Variants in SDK1 observed in about 807,000 individuals in gnomAD.
SDK1 encodes protein sidekick-1.
A neutral mutation model predicts 245.5 loss-of-function variants in SDK1; 157 were observed. That is an observed-to-expected ratio of 0.64 (90% confidence interval 0.56 to 0.73). The LOEUF (loss-of-function observed/expected upper bound fraction) is 0.73, where lower values mean the gene tolerates loss of function less well. SDK1 is among the 30% of genes least tolerant of loss of function. SDK1 has a pLI of 0.00. For synonymous variants in SDK1, 1,647 were observed against 1,278.5 expected (o/e 1.29, Z -6.15); for missense variants, 3,583 against 3,002.3 (o/e 1.19, Z -4.52).
intron 5 of SDK1, among the ~76,000 whole-genome samples, chr7:3,946,445 G>C (rs931625714): frequency 2.6e-5 from 4 of 152,040 alleles, no homozygotes; most frequent in African/African-American, 9.7e-5. Flanking sequence ...GTCCTGAGTA[G>C]CTGGGACTAC....
intron 1 of SDK1, among the ~76,000 whole-genome samples, chr7:3,530,928 T>G (rs1169698487): frequency 2.0e-5 from 3 of 152,220 alleles, no homozygotes; most frequent in Non-Finnish European, 4.4e-5. Flanking sequence ...AAATTTGATT[T>G]GCAGTGAGAA....
At chr7:4,018,850 A>T (rs1184600250) in intron 17 of SDK1, among the ~76,000 whole-genome samples, 1 of 152,102 alleles carries the variant, frequency 6.6e-6, no homozygotes, top group Non-Finnish European at 1.5e-5. Flanking sequence ...TGTGCAGGGA[A>T]TGTAGGAGGC....
At chr7:4,217,829 A>T (rs1784920378) in intron 38 of SDK1, among the ~76,000 whole-genome samples, 1 of 152,198 alleles carries the variant, frequency 6.6e-6, no homozygotes, top group Admixed American at 6.5e-5. Context: ...TGAAATGGGG[A>T]GAAGGCCAGG....
chr7:3,322,914 G>C (rs1437713185), intron 1 of SDK1, among the ~76,000 whole-genome samples: 1 of 151,990 alleles, frequency 6.6e-6, no homozygotes, highest in African/African-American at 2.4e-5. Context: ...GGTTCAAACA[G>C]TCCTCCCACC....
chr7:3,467,641 T>C (rs1188612238), intron 1 of SDK1, among the ~76,000 whole-genome samples: 1 of 152,118 alleles, frequency 6.6e-6, no homozygotes, highest in Non-Finnish European at 1.5e-5. Flanking sequence ...CTATTAAATT[T>C]TCTTAAGAAC....
intron 19 of SDK1, among the ~76,000 whole-genome samples, chr7:4,052,744 A>G (rs1210118683): frequency 6.6e-6 from 1 of 152,080 alleles, no homozygotes; most frequent in Admixed American, 6.5e-5. Flanking sequence ...ATTTTTTTGC[A>G]TTTTCTAGTT....
At chr7:3,728,365 G>T (rs1049611294) in intron 4 of SDK1, among the ~76,000 whole-genome samples, 6 of 152,220 alleles carry the variant, frequency 3.9e-5, no homozygotes, top group African/African-American at 1.4e-4. Context: ...TTTCACCACA[G>T]ACATAATTTC....
At chr7:3,515,913 C>T (rs1240362037) in intron 1 of SDK1, among the ~76,000 whole-genome samples, 1 of 152,034 alleles carries the variant, frequency 6.6e-6, no homozygotes, top group Non-Finnish European at 1.5e-5. Flanking sequence ...AGAGATTTAG[C>T]TGAAATTTTT....
At chr7:3,674,154 T>C (rs1322309759) in intron 4 of SDK1, among the ~76,000 whole-genome samples, 1 of 151,958 alleles carries the variant, frequency 6.6e-6, no homozygotes, top group Non-Finnish European at 1.5e-5. Flanking sequence ...AAATTGTGAG[T>C]CAAGAGCTAT....
chr7:3,937,950 G>T (rs893815457), intron 5 of SDK1, among the ~76,000 whole-genome samples: 3 of 152,022 alleles, frequency 2.0e-5, no homozygotes, highest in African/African-American at 7.2e-5. Flanking sequence ...CAGTTCTCCT[G>T]TCTCAGCCTT....
chr7:3,581,768 T>A (rs906492027), intron 1 of SDK1, among the ~76,000 whole-genome samples: 1 of 152,194 alleles, frequency 6.6e-6, no homozygotes, highest in Non-Finnish European at 1.5e-5. Flanking sequence ...AATGTTAGAC[T>A]GGATAAAGAA....
rs77631644 is a variant in SDK1, at chr7:3,707,668, C to T, written c.713+65563C>T. On this transcript the variant is annotated intron_variant, in intron 4 of 44. Transcript: ENST00000404826. The stretch of plus-strand genomic sequence containing the variant: ...GGGAGCTGAAGGCCCCCCCTATTAT[C>T]GTGTTTCTGTTTATCTCATCTCTTA... Among the ~76,000 whole-genome samples the T allele has an allele frequency of 3.3e-5, 5 of 152,074 alleles. No individual in the cohort carries two copies. The South Asian group carries it at 6.2e-4, about 19-fold the overall frequency.
At chr7:4,131,600 A>C (rs1236833139) in intron 27 of SDK1, among the ~76,000 whole-genome samples, 1 of 152,194 alleles carries the variant, frequency 6.6e-6, no homozygotes, top group Non-Finnish European at 1.5e-5. Context: ...TCAGTTATTA[A>C]TTCCAACAAG....
intron 4 of SDK1, among the ~76,000 whole-genome samples, chr7:3,688,840 C>G (rs991119227): frequency 1.2e-4 from 19 of 152,144 alleles, no homozygotes; most frequent in African/African-American, 4.6e-4. Flanking sequence ...CATGGCCAAT[C>G]CATGTCCTGT....
At chr7:4,176,019 C>A (rs1209541398) in intron 34 of SDK1, among the ~76,000 whole-genome samples, 185 bp downstream of exon 34, 1 of 152,212 alleles carries the variant, frequency 6.6e-6, no homozygotes, top group African/African-American at 2.4e-5. Flanking sequence ...CTTCTAGAAA[C>A]AGAGGCTGGG....
chr7:3,817,982 A>T (rs762496563), intron 4 of SDK1, among the ~76,000 whole-genome samples: 5 of 152,246 alleles, frequency 3.3e-5, no homozygotes, highest in Non-Finnish European at 5.9e-5. Flanking sequence ...TCCTGTGCTT[A>T]TAATTCGTAC....
At chr7:3,387,843 T>C (rs1418174983) in intron 1 of SDK1, among the ~76,000 whole-genome samples, 1 of 152,220 alleles carries the variant, frequency 6.6e-6, no homozygotes. Context: ...ATTGTACACG[T>C]TGCGGTTTAC....
At chr7:4,233,808 G>A (rs949369044) in intron 41 of SDK1, among the ~76,000 whole-genome samples, 3 of 152,234 alleles carry the variant, frequency 2.0e-5, no homozygotes, top group Non-Finnish European at 2.9e-5. Context: ...CCTCTGGCAG[G>A]ACCCCAGGCC....
At chr7:3,887,012 T>C (rs985122518) in intron 5 of SDK1, among the ~76,000 whole-genome samples, 2 of 152,040 alleles carry the variant, frequency 1.3e-5, no homozygotes, top group African/African-American at 4.8e-5. Context: ...TACGTTAATA[T>C]TTTTTTTGAA....
Sources: allele counts gnomAD v4.1 joint callset (sites outside exome capture counted in the v4.1 genomes callset), GRCh38; gene constraint gnomAD v4.1.1; transcripts MANE v1.5; gene names NCBI Gene and HGNC (gene_info 2026-07-23, HGNC 2026-07-21).